GARRE1: variants seen among roughly 807,000 people sequenced by gnomAD.
GARRE1 encodes the protein granule associated Rac and RHOG effector 1.
GARRE1 carries 49 observed loss-of-function variants against 103.2 expected under a neutral mutation model. That is an observed-to-expected ratio of 0.47 (90% CI 0.38 to 0.60). GARRE1 has a LOEUF of 0.60. Ranked by LOEUF, GARRE1 falls within the 20% of genes least tolerant of loss-of-function variation. The probability of loss-of-function intolerance (pLI) is 0.00; values close to 1 mark genes in which losing one functional copy is unlikely to be tolerated. For missense variants in GARRE1, 1,199 were observed against 1,370.5 expected, an observed-to-expected ratio of 0.87 and a Z score of 1.98; for synonymous variants, 505 against 532.8, an observed-to-expected ratio of 0.95 and a Z score of 0.72.
At chr19:34,317,136 G>A (rs983890430) in intron 2 of GARRE1, among the ~76,000 whole-genome samples, 4 of 152,294 alleles carry the variant, frequency 2.6e-5, no homozygotes, top group Admixed American at 1.3e-4. Flanking sequence ...CTTTGCCCTC[G>A]GTCATTTCCT....
chr19:34,270,903 TCAG>T (rs1383051303), intron 1 of GARRE1, among the ~76,000 whole-genome samples: 1 of 152,174 alleles, frequency 6.6e-6, no homozygotes, highest in African/African-American at 2.4e-5. Flanking sequence ...TATGGGATGT[TCAG>T]CAGCACTTCT....
chr19:34,327,372 T>C (rs201341001), intron 3 of GARRE1, 49 bp from the exon 4 acceptor site: 484 of 1,583,708 alleles, frequency 3.1e-4, no homozygotes, highest in Non-Finnish European at 3.6e-4. Flanking sequence ...CTAATGTTGC[T>C]AGAACTGTAC....
chr19:34,282,959 A>G (rs1358159205), intron 1 of GARRE1, among the ~76,000 whole-genome samples: 1 of 152,188 alleles, frequency 6.6e-6, no homozygotes, highest in Non-Finnish European at 1.5e-5. Context: ...AGTTAAATAG[A>G]CTGTGGCCCT....
At chr19:34,348,875 C>G in intron 11 of GARRE1, 141 bp from the exon 12 acceptor site, 1 of 912,010 alleles carries the variant, frequency 1.1e-6, no homozygotes, top group Non-Finnish European at 1.7e-6. Flanking sequence ...GGAGGAAAAC[C>G]TCACGTTTTA....
At chr19:34,345,897 C>A (rs1303269968) in intron 10 of GARRE1, among the ~76,000 whole-genome samples, 1 of 152,224 alleles carries the variant, frequency 6.6e-6, no homozygotes, top group African/African-American at 2.4e-5. Context: ...CCTCTTCTGT[C>A]TGTAGACTAC....
At chr19:34,298,016 A>G (rs1334488079) in intron 1 of GARRE1, among the ~76,000 whole-genome samples, 4 of 152,226 alleles carry the variant, frequency 2.6e-5, no homozygotes, top group Admixed American at 1.3e-4. Flanking sequence ...GTAATTGGCC[A>G]TAAGTGACGA....
intron 1 of GARRE1, among the ~76,000 whole-genome samples, chr19:34,280,218 A>G (rs1017298401): frequency 2.0e-5 from 3 of 152,176 alleles, no homozygotes; most frequent in African/African-American, 7.2e-5. Context: ...AAAATCCACC[A>G]CATGATCCAG....
intron 1 of GARRE1, among the ~76,000 whole-genome samples, chr19:34,289,324 T>C (rs546835418): frequency 5.3e-4 from 81 of 152,122 alleles, no homozygotes; most frequent in Non-Finnish European, 9.6e-4. Flanking sequence ...TTCCAGCTAC[T>C]GTGGAGGCTG....
At chr19:34,351,202 A>AT (rs201821670) in intron 12 of GARRE1, among the ~76,000 whole-genome samples, 14,583 of 114,792 alleles carry the variant, frequency 0.13, 1,198 homozygotes, top group African/African-American at 0.32. Context: ...GTCTCAAAAA[A>AT]AAAAAAAAAA....
chr19:34,336,442 C>G (rs1450916742), intron 8 of GARRE1, among the ~76,000 whole-genome samples: 1 of 149,500 alleles, frequency 6.7e-6, no homozygotes, highest in African/African-American at 2.5e-5. Flanking sequence ...CTTTTGTAGT[C>G]AGTGTTCTGC....
At chr19:34,260,429 A>G (rs1256219871) in intron 1 of GARRE1, among the ~76,000 whole-genome samples, 2 of 152,238 alleles carry the variant, frequency 1.3e-5, no homozygotes, top group East Asian at 1.9e-4. Flanking sequence ...GACACCTGCA[A>G]TATCTCCAAG....
chr19:34,322,507 T>C (rs563307704), intron 3 of GARRE1, among the ~76,000 whole-genome samples: 2 of 152,172 alleles, frequency 1.3e-5, no homozygotes, highest in South Asian at 2.1e-4. Context: ...TTAATACTTA[T>C]TTCTTTCCAG....
chr19:34,286,057 C>T (rs1315341084), intron 1 of GARRE1, among the ~76,000 whole-genome samples: 1 of 152,120 alleles, frequency 6.6e-6, no homozygotes, highest in Non-Finnish European at 1.5e-5. Context: ...TGTGGCCAGG[C>T]ACAGTGGCAC....
At chr19:34,268,815 G>T (rs2145956202) in intron 1 of GARRE1, among the ~76,000 whole-genome samples, 1 of 152,132 alleles carries the variant, frequency 6.6e-6, no homozygotes, top group South Asian at 2.1e-4. Flanking sequence ...AAAGAAAAAA[G>T]AAATTGAATA....
rs759242264 is a variant in GARRE1, at chr19:34,342,172, C to T, written c.2238C>T (p.Pro746=). The T allele has an allele frequency of 5.0e-6, 8 of 1,614,046 alleles. No individual in the cohort carries two copies. Among genetic ancestry groups the T allele is most frequent in the Non-Finnish European group, 2.5e-6 (3 of 1,180,040 alleles). ...HLLQPIGPQQ[P]PPQPRAPGKW... Reference sequence around the variant, plus strand: ...TCCAGCCCATTGGACCGCAGCAGCCCCCGCCCCAGCCTCGGGCACCTGGGA... The same window carrying T: ...TCCAGCCCATTGGACCGCAGCAGCCTCCGCCCCAGCCTCGGGCACCTGGGA... The change falls in exon 10 of 14, where the codon CCC becomes CCT. Residue 746 remains proline (P), a synonymous_variant. Coordinates refer to ENST00000299505, the MANE Select transcript of GARRE1 (RefSeq NM_014686.5).
chr19:34,275,578 A>G (rs560369330), intron 1 of GARRE1, among the ~76,000 whole-genome samples: 1 of 152,362 alleles, frequency 6.6e-6, no homozygotes, highest in South Asian at 2.1e-4. Context: ...ATGGCTGAAT[A>G]ATATTCCATT....
chr19:34,346,889 A>AT (rs1346449946), intron 10 of GARRE1, among the ~76,000 whole-genome samples: 4 of 152,100 alleles, frequency 2.6e-5, no homozygotes, highest in Middle Eastern at 3.4e-3. Context: ...AAGTGCTGGG[A>AT]TTACAGGTGT....
At chr19:34,265,378 G>A (rs935182596) in intron 1 of GARRE1, among the ~76,000 whole-genome samples, 1 of 152,186 alleles carries the variant, frequency 6.6e-6, no homozygotes, top group Admixed American at 6.5e-5. Flanking sequence ...TGGGTGTCAA[G>A]GTGGGAGAGA....
At chr19:34,343,772 A>C (rs1179426923) in intron 10 of GARRE1, among the ~76,000 whole-genome samples, 2 of 152,144 alleles carry the variant, frequency 1.3e-5, no homozygotes, top group South Asian at 2.1e-4. Context: ...GCTTGAGCTC[A>C]GGAGGTTGAG....
Sources: gnomAD v4.1 joint callset for allele counts (sites outside exome capture counted in the v4.1 genomes callset) on GRCh38, gnomAD v4.1.1 for gene constraint, MANE v1.5 for transcripts, NCBI Gene and HGNC (gene_info 2026-07-23, HGNC 2026-07-21) for gene names.